NRG2: variants seen among roughly 807,000 people sequenced by gnomAD.
NRG2 encodes neuregulin 2, also known as pro-neuregulin-2, membrane-bound isoform.
Under a neutral mutation model 73.9 loss-of-function variants are expected in NRG2, and 27 were observed. The ratio of observed to expected loss-of-function variants is 0.37; its 90% confidence interval spans 0.27 to 0.50. The LOEUF (loss-of-function observed/expected upper bound fraction) is 0.50. Among genes scored for constraint, NRG2 ranks in the 20% least tolerant of loss-of-function variants. The pLI, the probability that NRG2 is intolerant of heterozygous loss-of-function variation, is 0.96. For missense variants in NRG2, 1,126 were observed against 1,210.1 expected, an observed-to-expected ratio of 0.93 and a Z score of 1.03; for synonymous variants, 532 against 541.0, an observed-to-expected ratio of 0.98 and a Z score of 0.23.
chr5:140,040,035 G>A (rs1761799331), intron 1 of NRG2, among the ~76,000 whole-genome samples: 1 of 152,176 alleles, frequency 6.6e-6, no homozygotes, highest in Non-Finnish European at 1.5e-5. Flanking sequence ...AGCATTACCA[G>A]TACATGTTTT....
At chr5:139,938,911 AAG>A (rs1487770664) in intron 1 of NRG2, among the ~76,000 whole-genome samples, 2 of 104,388 alleles carry the variant, frequency 1.9e-5, no homozygotes, top group Non-Finnish European at 4.1e-5. Flanking sequence ...AAAGAAAAGA[AAG>A]AAAGAAAGAA....
At chr5:139,862,930 C>T (rs868300398) in intron 5 of NRG2, among the ~76,000 whole-genome samples, 29 of 152,210 alleles carry the variant, frequency 1.9e-4, no homozygotes, top group Admixed American at 1.3e-4. Context: ...TTGATCTCTG[C>T]AAAAGATAAC....
At chr5:140,028,187 A>G (rs941672796) in intron 1 of NRG2, among the ~76,000 whole-genome samples, 2 of 152,238 alleles carry the variant, frequency 1.3e-5, no homozygotes, top group African/African-American at 2.4e-5. Flanking sequence ...TAGATTAGCT[A>G]ATAGTATTGC....
chr5:139,904,797 G>A lies in NRG2; in HGVS notation c.701-17286C>T, dbSNP rs986629332. Among the ~76,000 whole-genome samples, 1 of 152,196 alleles carries A rather than the reference G, an allele frequency of 6.6e-6. No homozygotes were observed. On this transcript the variant is annotated intron_variant, in intron 1 of 9. Transcript: ENST00000361474. The surrounding 1 kb of genome is among the most constrained non-coding windows in gnomAD (Gnocchi z 6.0). ...CAGGCTAAGGACAGCATGGGGGTGG[G>A]GAGACAGCGAGGAAAGGGCCCAGGA...
chr5:139,924,276 A>C (rs1295319201), intron 1 of NRG2, among the ~76,000 whole-genome samples: 1 of 152,222 alleles, frequency 6.6e-6, no homozygotes, highest in Non-Finnish European at 1.5e-5. Context: ...CTCTCACAAG[A>C]GTGCTAAATC....
chr5:139,887,323 G>A lies in NRG2; in HGVS notation c.872+17C>T, dbSNP rs993182402. ...AGGGCAGCTGCTTGGATGGAGGACA[G>A]GCTGGATATTGCTTACCTGCCGTTG... On this transcript the variant is annotated intron_variant, in intron 2 of 9. Transcript: ENST00000361474. The surrounding 1 kb of genome is among the most constrained non-coding windows in gnomAD (Gnocchi z 4.5). 6.2e-7 allele frequency: 1 copy of A among 1,613,492 alleles called. No homozygotes were observed. The highest frequency in any genetic ancestry group is 1.1e-5 in the South Asian group (1 of 91,044).
chr5:139,880,111 T>C (rs1370424545), intron 3 of NRG2, among the ~76,000 whole-genome samples: 2 of 151,916 alleles, frequency 1.3e-5, no homozygotes, highest in East Asian at 1.9e-4. Flanking sequence ...TCTGTGTGTG[T>C]TGGGGGGAGG....
chr5:139,891,551 A>G (rs1764210655), intron 1 of NRG2, among the ~76,000 whole-genome samples: 1 of 152,176 alleles, frequency 6.6e-6, no homozygotes, highest in African/African-American at 2.4e-5. Flanking sequence ...ACCAAGAAAT[A>G]AGCATCCTAC....
At position 139,852,583 on chromosome 5, in the gene NRG2, G is replaced by A; in HGVS notation, c.1417-24C>T. The A allele has an allele frequency of 6.2e-7, 1 of 1,609,512 alleles. No homozygotes were observed. The highest frequency in any genetic ancestry group is 8.5e-7 in the Non-Finnish European group (1 of 1,177,556). On this transcript the variant is annotated intron_variant, in intron 7 of 9. Transcript: ENST00000361474. This position sits in a 1 kb window ranked among gnomAD's most constrained non-coding sequence, Gnocchi z 4.4. ...TACTGGAACAGACAGAGTTGGGCGAGAGTTAGTGACTGGGGCCCAAATGAA... is the reference window on the plus strand; with the variant it reads ...TACTGGAACAGACAGAGTTGGGCGAAAGTTAGTGACTGGGGCCCAAATGAA...
intron 1 of NRG2, among the ~76,000 whole-genome samples, chr5:139,971,078 G>A (rs540516245): frequency 6.6e-6 from 1 of 152,216 alleles, no homozygotes; most frequent in African/African-American, 2.4e-5. Context: ...CCCCAACATG[G>A]GGAGAAAAGA....
Position 139,867,768 on chromosome 5 carries a change from G to C in NRG2, c.1113-2143C>G, listed in dbSNP as rs1028281503. On this transcript the variant is annotated intron_variant, in intron 4 of 9. Coordinates refer to ENST00000361474, the MANE Select transcript of NRG2 (RefSeq NM_004883.3). The stretch of plus-strand genomic sequence containing the variant: ...CTCTTGGAGGAAGGGAAACCTGTGT[G>C]TGTGTGTGTGTGTGTGTGTGTGTGT... 6.2e-3 allele frequency among the ~76,000 whole-genome samples: 742 copies of C among 119,836 alleles called. 8 individuals carry two copies. The highest frequency in any genetic ancestry group is 0.028 in the African/African-American group (631 of 22,168). 78.6% of individuals were successfully genotyped at this position (119,836 alleles called of 152,430 possible).
At chr5:139,886,815 G>C (rs1395065511) in intron 2 of NRG2, among the ~76,000 whole-genome samples, 1 of 152,176 alleles carries the variant, frequency 6.6e-6, no homozygotes, top group Non-Finnish European at 1.5e-5. Context: ...TCAACTTTTA[G>C]GGGGAAACCG....
intron 1 of NRG2, among the ~76,000 whole-genome samples, chr5:140,001,378 C>T (rs1163106489): frequency 6.6e-6 from 1 of 152,100 alleles, no homozygotes; most frequent in East Asian, 1.9e-4. Flanking sequence ...ATTACCCTAA[C>T]CAAATTATAA....
intron 4 of NRG2, among the ~76,000 whole-genome samples, 155 bp downstream of exon 4, chr5:139,871,566 G>A (rs1295059402): frequency 6.6e-6 from 1 of 152,114 alleles, no homozygotes; most frequent in East Asian, 1.9e-4. Flanking sequence ...TATATTCCAG[G>A]AAAGGGCTAG....
At chr5:139,885,909 G>A (rs953456803) in intron 2 of NRG2, among the ~76,000 whole-genome samples, 9 of 152,170 alleles carry the variant, frequency 5.9e-5, no homozygotes, top group East Asian at 1.9e-4. Context: ...GGAGGGAGAC[G>A]GGACCCAACT....
chr5:140,016,077 T>C (rs1029597766), intron 1 of NRG2, among the ~76,000 whole-genome samples: 3 of 152,182 alleles, frequency 2.0e-5, no homozygotes, highest in Admixed American at 1.3e-4. Context: ...TGGGATAGGC[T>C]GGCTCCTACT....
intron 1 of NRG2, among the ~76,000 whole-genome samples, chr5:140,023,150 C>T (rs115604275): frequency 6.6e-6 from 1 of 152,220 alleles, no homozygotes; most frequent in Non-Finnish European, 1.5e-5. Context: ...CATATCCCTG[C>T]TCCAATACCT....
intron 5 of NRG2, among the ~76,000 whole-genome samples, chr5:139,857,794 T>C (rs6864507): frequency 2.0e-5 from 3 of 152,182 alleles, no homozygotes; most frequent in South Asian, 2.1e-4. Flanking sequence ...GCCCCATACC[T>C]TGGGCTCATT....
chr5:139,993,202 G>C (rs2126600042), intron 1 of NRG2, among the ~76,000 whole-genome samples: 1 of 152,154 alleles, frequency 6.6e-6, no homozygotes, highest in Non-Finnish European at 1.5e-5. Context: ...AAACAAATCA[G>C]ATCATATCAT....
Sources: allele counts gnomAD v4.1 joint callset (sites outside exome capture counted in the v4.1 genomes callset), GRCh38; gene constraint gnomAD v4.1.1; non-coding constraint Gnocchi (gnomAD v3.1); transcripts MANE v1.5; gene names NCBI Gene and HGNC (gene_info 2026-07-23, HGNC 2026-07-21).